Variants in DYNC2H1 observed in about 807,000 individuals in gnomAD.
DYNC2H1 encodes the protein cytoplasmic dynein 2 heavy chain 1.
A neutral mutation model predicts 570.0 loss-of-function variants in DYNC2H1; 410 were observed. The ratio of observed to expected loss-of-function variants is 0.72; its 90% CI spans 0.66 to 0.78. DYNC2H1 has a LOEUF of 0.78. Among genes scored for constraint, DYNC2H1 ranks in the 30% least tolerant of loss-of-function variants. The probability of loss-of-function intolerance (pLI) is 0.00; values close to 1 mark genes in which losing one functional copy is unlikely to be tolerated. For missense variants in DYNC2H1, 4,865 were observed against 5,046.4 expected, an observed-to-expected ratio of 0.96 and a Z score of 1.09; for synonymous variants, 1,688 against 1,677.6, an observed-to-expected ratio of 1.01 and a Z score of -0.15.
At chr11:103,320,493 T>C (rs908542469) in intron 80 of DYNC2H1, among the ~76,000 whole-genome samples, 1 of 152,248 alleles carries the variant, frequency 6.6e-6, no homozygotes, top group African/African-American at 2.4e-5. Context: ...TAGTTGACTA[T>C]GTAAAATCAT....
intron 83 of DYNC2H1, among the ~76,000 whole-genome samples, chr11:103,366,665 T>C (rs940063698): frequency 3.3e-5 from 5 of 152,186 alleles, no homozygotes; most frequent in African/African-American, 1.2e-4. Flanking sequence ...TCTGCCCATT[T>C]TCTTTACTTG....
At chr11:103,470,701 T>C (rs11225819) in intron 88 of DYNC2H1, among the ~76,000 whole-genome samples, 6,166 of 152,262 alleles carry the variant, frequency 0.04, 151 homozygotes, top group Non-Finnish European at 0.055. Context: ...TTGCTGAGAA[T>C]GATGGTTTCC....
At chr11:103,419,651 A>AAGAT (rs1943411801) in intron 84 of DYNC2H1, among the ~76,000 whole-genome samples, 1 of 152,142 alleles carries the variant, frequency 6.6e-6, no homozygotes, top group Non-Finnish European at 1.5e-5. Flanking sequence ...TCAAAGATCA[A>AAGAT]AGATAGATGA....
In DYNC2H1 at chr11:103,367,665, T is replaced by A. The variant is rs534855835; in HGVS notation, c.12156+9306T>A. On this transcript the variant is annotated intron_variant, in intron 83 of 88. Coordinates refer to ENST00000375735, the MANE Select transcript of DYNC2H1 (RefSeq NM_001377.3). ...CTCACCCTATAGCTGTAGGGTACTG[T>A]AGCTATAGTCACCCTGCTGGGCAAT... 7.9e-5 allele frequency among the ~76,000 whole-genome samples: 12 copies of A among 152,298 alleles called. No homozygotes were observed. In the South Asian group the frequency reaches 2.5e-3, roughly 32 times the overall value.
intron 6 of DYNC2H1, among the ~76,000 whole-genome samples, chr11:103,120,180 A>G (rs769681315): frequency 6.6e-6 from 1 of 152,134 alleles, no homozygotes; most frequent in African/African-American, 2.4e-5. Flanking sequence ...AACTTTAAAC[A>G]TAGTTTAAAA....
At chr11:103,458,848 C>G (rs1944890502) in intron 87 of DYNC2H1, among the ~76,000 whole-genome samples, 1 of 151,970 alleles carries the variant, frequency 6.6e-6, no homozygotes, top group Non-Finnish European at 1.5e-5. Flanking sequence ...CATAGAATTG[C>G]CCTCTTAACA....
intron 83 of DYNC2H1, among the ~76,000 whole-genome samples, chr11:103,372,540 A>G (rs1941214421): frequency 1.3e-5 from 2 of 151,962 alleles, no homozygotes; most frequent in South Asian, 4.2e-4. Context: ...ATTCATTTGT[A>G]TATGTTGAAC....
intron 87 of DYNC2H1, among the ~76,000 whole-genome samples, chr11:103,462,192 G>C (rs1351511376): frequency 1.3e-5 from 2 of 152,048 alleles, no homozygotes; most frequent in African/African-American, 2.4e-5. Context: ...TTCTCCTATA[G>C]AATGATGTAC....
chr11:103,275,740 C>G lies in DYNC2H1; in HGVS notation c.10696-4608C>G, dbSNP rs1462990755. Among the ~76,000 whole-genome samples, 2 of 151,930 alleles carry G rather than the reference C, an allele frequency of 1.3e-5. No individual in the cohort carries two copies. The highest frequency in any genetic ancestry group is 4.2e-4 in the South Asian group (2 of 4,818). On this transcript the variant is annotated intron_variant, in intron 70 of 88. Transcript: ENST00000375735. This position sits in a 1 kb window ranked among gnomAD's most constrained non-coding sequence, Gnocchi z 4.8. ...GATTAAAATTCCTTTATCTGGAGGA[C>G]CACAGTTTATCCATTCGGCATCTAC... is the stretch of plus-strand genomic sequence containing the variant.
intron 25 of DYNC2H1, 126 bp from the exon 26 acceptor site, chr11:103,156,262 C>CTA (rs1565350293): frequency 1.5e-6 from 1 of 673,580 alleles, no homozygotes; most frequent in African/African-American, 1.9e-5. Flanking sequence ...AGCCACTTAA[C>CTA]TTTTTTTTTT....
At position 103,272,004 on chromosome 11, in the gene DYNC2H1, A is replaced by T. The variant is rs372415330; in HGVS notation, c.10696-8344A>T. Among the ~76,000 whole-genome samples, 8 of 152,238 alleles carry T rather than the reference A, an allele frequency of 5.3e-5. No individual in the cohort carries two copies. The East Asian group carries it at 7.7e-4, about 15-fold the overall frequency. Reference sequence around the variant, plus strand: ...TGTAAACTGGTTCAACCATTGTGGAAGTCAGTGTGGCAATTCCTCAAGGAT... The same window carrying T: ...TGTAAACTGGTTCAACCATTGTGGATGTCAGTGTGGCAATTCCTCAAGGAT... On this transcript the variant is annotated intron_variant, in intron 70 of 88. Coordinates refer to ENST00000375735, the MANE Select transcript of DYNC2H1 (RefSeq NM_001377.3).
At chr11:103,417,030 T>C (rs1049730690) in intron 84 of DYNC2H1, among the ~76,000 whole-genome samples, 1 of 152,054 alleles carries the variant, frequency 6.6e-6, no homozygotes, top group Non-Finnish European at 1.5e-5. Context: ...GAAAAAAAGC[T>C]CATCATCACT....
rs1591499789 is a variant in DYNC2H1, at chr11:103,268,449, A to T, written c.10695+8472A>T. On this transcript the variant is annotated intron_variant, in intron 70 of 88. Transcript: ENST00000375735. The surrounding 1 kb of genome is among the most constrained non-coding windows in gnomAD (Gnocchi z 4.6). ...AATTATTATCTTCTATTTTTTAATCATTGGATTTACTTAATTTATACTTCT... is the reference window on the plus strand; with the variant it reads ...AATTATTATCTTCTATTTTTTAATCTTTGGATTTACTTAATTTATACTTCT... Among the ~76,000 whole-genome samples the T allele has an allele frequency of 6.6e-6, 1 of 152,004 alleles. No individual in the cohort carries two copies. Among genetic ancestry groups the T allele is most frequent in the South Asian group, 2.1e-4 (1 of 4,830 alleles).
At chr11:103,184,764 C>A in intron 40 of DYNC2H1, 132 bp from the exon 41 acceptor site, 1 of 787,136 alleles carries the variant, frequency 1.3e-6, no homozygotes, top group South Asian at 3.2e-5. Context: ...TCCAAACTTT[C>A]TACAGTTTGA....
Position 103,121,592 on chromosome 11 carries a change from C to T in DYNC2H1, c.1485+96C>T, listed in dbSNP as rs977830231. 6.2e-5 allele frequency: 82 copies of T among 1,321,964 alleles called. 1 individual carries two copies. The Admixed American group carries it at 2.0e-3, about 32-fold the overall frequency. 81.9% of individuals were successfully genotyped at this position (1,321,964 alleles called of 1,614,324 possible). ...TCTAGAGCTGTAGTAAATATATTCT[C>T]TGTTTTCCTTGGCATGTCTGTCTAA... On this transcript the variant is annotated intron_variant, in intron 10 of 88. Transcript: ENST00000375735.
intron 87 of DYNC2H1, among the ~76,000 whole-genome samples, chr11:103,460,899 T>G (rs978766420): frequency 6.6e-6 from 1 of 152,192 alleles, no homozygotes; most frequent in Non-Finnish European, 1.5e-5. Flanking sequence ...AATTAAAATA[T>G]TCACTTGTAA....
chr11:103,302,761 G>A (rs1867101008), intron 75 of DYNC2H1, among the ~76,000 whole-genome samples: 1 of 151,916 alleles, frequency 6.6e-6, no homozygotes, highest in African/African-American at 2.4e-5. Flanking sequence ...CTTGCATTGT[G>A]GTCTCAATTT....
intron 84 of DYNC2H1, among the ~76,000 whole-genome samples, chr11:103,427,660 TCA>T (rs1485650988): frequency 6.6e-6 from 1 of 152,060 alleles, no homozygotes; most frequent in Non-Finnish European, 1.5e-5. Context: ...CCTTGTATCT[TCA>T]CACTGTGGAG....
intron 84 of DYNC2H1, among the ~76,000 whole-genome samples, chr11:103,422,083 G>C (rs529797634): frequency 6.6e-6 from 1 of 152,002 alleles, no homozygotes; most frequent in East Asian, 1.9e-4. Context: ...CATAAACCAG[G>C]CCATCTAGAA....
Sources: gnomAD v4.1 joint callset for allele counts (sites outside exome capture counted in the v4.1 genomes callset) on GRCh38, gnomAD v4.1.1 for gene constraint, Gnocchi (gnomAD v3.1) non-coding constraint, MANE v1.5 for transcripts, NCBI Gene and HGNC (gene_info 2026-07-23, HGNC 2026-07-21) for gene names.